The following SETD3 variants were observed in gnomAD, a reference collection of about 807,000 sequenced individuals.
SETD3 encodes SET domain containing 3, actin N3(tau)-histidine methyltransferase, also known as actin-histidine N-methyltransferase.
In SETD3, 19 loss-of-function variants were observed where a neutral mutation model predicts 63.0. That is an observed-to-expected ratio of 0.30 (90% CI 0.21 to 0.44). The LOEUF (loss-of-function observed/expected upper bound fraction) is 0.44, where lower values mean the gene tolerates loss of function less well. Ranked by LOEUF, SETD3 falls within the 20% of genes least tolerant of loss-of-function variation. The pLI is 1.00. For synonymous variants in SETD3, 286 were observed against 264.1 expected, an observed-to-expected ratio of 1.08 and a Z score of -0.80; for missense variants, 587 against 728.5, an observed-to-expected ratio of 0.81 and a Z score of 2.24.
rs144115710 is a variant in SETD3, at chr14:99,472,009, T to C, written c.-8-6196A>G. On this transcript the variant is annotated intron_variant, in intron 1 of 12. Transcript: ENST00000331768. ...CCACAGCTGCCAAGCAGCAGACCCATAGCTTCAAACCTGAAATCCTGCATT... is the reference window on the plus strand; with the variant it reads ...CCACAGCTGCCAAGCAGCAGACCCACAGCTTCAAACCTGAAATCCTGCATT... Among the ~76,000 whole-genome samples, 149 of 152,284 alleles carry C rather than the reference T, an allele frequency of 9.8e-4. 1 individual carries two copies. The highest frequency in any genetic ancestry group is 3.4e-3 in the African/African-American group (143 of 41,556).
intron 4 of SETD3, among the ~76,000 whole-genome samples, chr14:99,460,717 G>A (rs1229347283): frequency 6.6e-6 from 1 of 152,188 alleles, no homozygotes; most frequent in Non-Finnish European, 1.5e-5. Flanking sequence ...TTCTTCCTTA[G>A]TAGGTGGCTG....
chr14:99,438,095 T>C (rs897178940), intron 6 of SETD3, among the ~76,000 whole-genome samples: 1 of 152,190 alleles, frequency 6.6e-6, no homozygotes, highest in African/African-American at 2.4e-5. Context: ...CTTCAGAGCA[T>C]TTAAGGAAAA....
chr14:99,480,355 G>T (rs933400284), intron 1 of SETD3, among the ~76,000 whole-genome samples: 1 of 152,002 alleles, frequency 6.6e-6, no homozygotes, highest in African/African-American at 2.4e-5. Context: ...GGGGACAGCG[G>T]GGCAAGCTCG....
rs1891218340 is a variant in SETD3 at position 99,398,803 on chromosome 14, T to C, written c.1661A>G (p.Asn554Ser). The change falls in exon 13 of 13, where the codon AAC becomes AGC. Residue 554 changes from asparagine to serine, a missense_variant. Transcript: ENST00000331768. ...KAKATENGLVNGENSIPNGTR... is the reference protein window; with the variant it reads ...KAKATENGLVSGENSIPNGTR... ...CCCATTAGGGATAGAGTTTTCACCG[T>C]TTACAAGCCCGTTTTCTGTGGCCTT... is the stretch of plus-strand genomic sequence containing the variant. 1 of 1,614,104 alleles carries C rather than the reference T, an allele frequency of 6.2e-7. No homozygotes were observed. The highest frequency in any genetic ancestry group is 8.5e-7 in the Non-Finnish European group (1 of 1,180,052).
chr14:99,411,789 T>C (rs1431778772), intron 8 of SETD3: 1 of 152,234 alleles, frequency 6.6e-6, no homozygotes, highest in Non-Finnish European at 1.5e-5. Flanking sequence ...AAACATGCTA[T>C]TATGTTTTAG....
intron 6 of SETD3, among the ~76,000 whole-genome samples, chr14:99,440,109 G>A (rs1048395861): frequency 1.3e-5 from 2 of 151,980 alleles, no homozygotes; most frequent in Non-Finnish European, 2.9e-5. Context: ...AAGCCCAGCA[G>A]AAAATATTTT....
At chr14:99,461,895 C>G (rs1895083062) in intron 3 of SETD3, among the ~76,000 whole-genome samples, 1 of 152,180 alleles carries the variant, frequency 6.6e-6, no homozygotes, top group Non-Finnish European at 1.5e-5. Context: ...AAGTATAACA[C>G]TAAATGTACC....
chr14:99,463,675 T>G (rs1895206096), intron 2 of SETD3, 97 bp from the exon 3 acceptor site: 2 of 972,332 alleles, frequency 2.1e-6, no homozygotes, highest in Non-Finnish European at 3.1e-6. Flanking sequence ...TTGTTGCTGT[T>G]CTGGGGTTGG....
At chr14:99,431,118 C>A (rs959817732) in intron 6 of SETD3, among the ~76,000 whole-genome samples, 2 of 152,262 alleles carry the variant, frequency 1.3e-5, no homozygotes, top group Non-Finnish European at 2.9e-5. Flanking sequence ...TTCCAATCCT[C>A]TTCACCTAAC....
Position 99,414,916 on chromosome 14 carries a change from G to A in SETD3, c.676-982C>T, listed in dbSNP as rs189615361. On this transcript the variant is annotated intron_variant, in intron 6 of 12. Coordinates refer to ENST00000331768, the MANE Select transcript of SETD3 (RefSeq NM_032233.3). Reference sequence around the variant, plus strand: ...GTAGCCTGCAGTTTTCACTCGTGACGCATTGGCATCACAAGTGCACTGTAA... The same window carrying A: ...GTAGCCTGCAGTTTTCACTCGTGACACATTGGCATCACAAGTGCACTGTAA... Among the ~76,000 whole-genome samples the A allele has an allele frequency of 1.2e-4, 18 of 152,338 alleles. No homozygotes were observed. The East Asian group carries it at 1.9e-3, about 16-fold the overall frequency.
chr14:99,436,696 G>A (rs569473825), intron 6 of SETD3, among the ~76,000 whole-genome samples: 1 of 152,306 alleles, frequency 6.6e-6, no homozygotes, highest in African/African-American at 2.4e-5. Flanking sequence ...CAGGAAGGAA[G>A]TACCTACCCA....
At position 99,397,963 on chromosome 14, in the gene SETD3, G is replaced by A. The variant is rs1595132281; in HGVS notation, c.*716C>T. On this transcript the variant is annotated 3_prime_UTR_variant, in exon 13 of 13. Transcript: ENST00000331768. ...CAGAGCCAACATTTAAAATTAGGAGGATGATGCATGTCCTACTTTGATTCA... is the reference window on the plus strand; with the variant it reads ...CAGAGCCAACATTTAAAATTAGGAGAATGATGCATGTCCTACTTTGATTCA... The A allele has an allele frequency of 1.3e-5, 2 of 152,590 alleles. No homozygotes were observed. The highest frequency in any genetic ancestry group is 4.8e-5 in the African/African-American group (2 of 41,500). 9.5% of individuals were successfully genotyped at this position (152,590 alleles called of 1,614,324 possible). A position where few individuals can be genotyped will look rare whatever the true frequency, so the allele number is the denominator to read the frequency against.
At chr14:99,424,031 T>C (rs192040259) in intron 6 of SETD3, among the ~76,000 whole-genome samples, 2 of 152,324 alleles carry the variant, frequency 1.3e-5, no homozygotes, top group East Asian at 3.9e-4. Flanking sequence ...AGCATTCAAT[T>C]TCTGGAAACA....
rs889181129 is a variant in SETD3, at chr14:99,457,787, T to C, written c.675+492A>G. Among the ~76,000 whole-genome samples, 5 of 152,238 alleles carry C rather than the reference T, an allele frequency of 3.3e-5. No homozygotes were observed. In the East Asian group the frequency reaches 5.8e-4, roughly 18 times the overall value. ...GGTAATTCAAATACTTGGAGCCTTA[T>C]AGAGATTTCTATGAGAAACTTTCAC... On this transcript the variant is annotated intron_variant, in intron 6 of 12. Transcript: ENST00000331768.
Position 99,450,084 on chromosome 14 carries a change from C to T in SETD3, c.675+8195G>A, listed in dbSNP as rs376589869. On this transcript the variant is annotated intron_variant, in intron 6 of 12. Coordinates refer to ENST00000331768, the MANE Select transcript of SETD3 (RefSeq NM_032233.3). Reference sequence around the variant, plus strand: ...GGGACACTCCTGTATACAACCTCTGCCACAGAGGAGTCCAAGTTATATAAA... The same window carrying T: ...GGGACACTCCTGTATACAACCTCTGTCACAGAGGAGTCCAAGTTATATAAA... 3.9e-5 allele frequency among the ~76,000 whole-genome samples: 6 copies of T among 152,322 alleles called. No individual in the cohort carries two copies. In the East Asian group the frequency reaches 5.8e-4, roughly 15 times the overall value.
intron 5 of SETD3, 76 bp from the exon 6 acceptor site, chr14:99,458,611 T>C: frequency 1.3e-6 from 2 of 1,525,948 alleles, no homozygotes; most frequent in Non-Finnish European, 1.8e-6. Flanking sequence ...CGTTTACAAA[T>C]TACAGAAAAA....
At chr14:99,434,638 A>C (rs1038914165) in intron 6 of SETD3, among the ~76,000 whole-genome samples, 2 of 152,040 alleles carry the variant, frequency 1.3e-5, no homozygotes, top group Non-Finnish European at 2.9e-5. Flanking sequence ...ACCTGAGATC[A>C]GGAGTTTGAG....
At chr14:99,410,345 T>C in intron 8 of SETD3, 2 of 1,280,862 alleles carry the variant, frequency 1.6e-6, no homozygotes, top group South Asian at 2.8e-5. Context: ...CTCATCTAAA[T>C]ATAAATGTTT....
chr14:99,404,194 T>C, intron 11 of SETD3, 31 bp downstream of exon 11: 1 of 1,570,770 alleles, frequency 6.4e-7, no homozygotes, highest in Non-Finnish European at 8.7e-7. Flanking sequence ...AAGAAAAAAG[T>C]CAACATCTCT....
Sources: gnomAD v4.1 joint callset for allele counts (sites outside exome capture counted in the v4.1 genomes callset) on GRCh38, gnomAD v4.1.1 for gene constraint, MANE v1.5 for transcripts, NCBI Gene and HGNC (gene_info 2026-07-23, HGNC 2026-07-21) for gene names.